The following SGCD variants were observed in gnomAD, a reference collection of about 807,000 sequenced individuals.
The protein encoded by SGCD is delta-sarcoglycan.
Under a neutral mutation model 36.6 loss-of-function variants are expected in SGCD, and 18 were observed. The ratio of observed to expected loss-of-function variants is 0.49; its 90% CI spans 0.34 to 0.73. SGCD has a LOEUF of 0.73. Ranked by LOEUF, SGCD falls within the 30% of genes least tolerant of loss-of-function variation. The pLI is 0.01. For missense variants in SGCD, 387 were observed against 346.7 expected, an observed-to-expected ratio of 1.12 and a Z score of -0.92; for synonymous variants, 133 against 130.6, an observed-to-expected ratio of 1.02 and a Z score of -0.12.
chr5:156,085,567 C>A (rs1157074396), intron 1 of SGCD, among the ~76,000 whole-genome samples: 3 of 152,198 alleles, frequency 2.0e-5, no homozygotes, highest in East Asian at 3.8e-4. Flanking sequence ...AATTAAACCT[C>A]TTTTCTTTAT....
At chr5:155,828,567 C>A in the SGCD span, among the ~76,000 whole-genome samples, 2 of 152,200 alleles carry the variant, frequency 1.3e-5, no homozygotes, top group Non-Finnish European at 2.9e-5. Context: ...CACCTTGAAG[C>A]CAGCTGACTC....
At chr5:156,671,969 A>G (rs1399689642) in intron 7 of SGCD, among the ~76,000 whole-genome samples, 3 of 152,288 alleles carry the variant, frequency 2.0e-5, no homozygotes, top group Non-Finnish European at 4.4e-5. Flanking sequence ...TGAGAACTCC[A>G]CTGTGAAGGC....
intron 4 of SGCD, among the ~76,000 whole-genome samples, chr5:156,555,991 A>G (rs560537082): frequency 6.6e-6 from 1 of 152,054 alleles, no homozygotes; most frequent in Non-Finnish European, 1.5e-5. Context: ...TTTTCCTTCC[A>G]AAGATTCATC....
chr5:156,172,918 A>G (rs1020904695), intron 3 of SGCD, among the ~76,000 whole-genome samples: 2 of 152,104 alleles, frequency 1.3e-5, no homozygotes, highest in African/African-American at 4.8e-5. Flanking sequence ...GTAATAAGCT[A>G]TCCTGAAAGT....
chr5:155,995,762 T>C (rs868153858), intron 1 of SGCD, among the ~76,000 whole-genome samples: 18 of 151,898 alleles, frequency 1.2e-4, no homozygotes, highest in African/African-American at 4.4e-4. Flanking sequence ...TAAAATAAAC[T>C]ATTTCATATG....
intron 3 of SGCD, among the ~76,000 whole-genome samples, chr5:156,484,042 A>G (rs1006306339): frequency 6.6e-6 from 1 of 152,226 alleles, no homozygotes; most frequent in Non-Finnish European, 1.5e-5. Flanking sequence ...GGCCCTTTCT[A>G]ATAAACAGAG....
At chr5:156,388,608 A>G (rs535388612) in intron 3 of SGCD, among the ~76,000 whole-genome samples, 6 of 152,354 alleles carry the variant, frequency 3.9e-5, no homozygotes, top group African/African-American at 4.8e-5. Context: ...GCCAGAGTCT[A>G]TGCATGGGCT....
chr5:156,445,146 C>G (rs1753707236), intron 3 of SGCD, among the ~76,000 whole-genome samples: 1 of 152,262 alleles, frequency 6.6e-6, no homozygotes, highest in African/African-American at 2.4e-5. Flanking sequence ...GCCCTAGAAA[C>G]TGCTGGTTTC....
At chr5:156,707,802 CTTGA>C (rs1754806130) in intron 7 of SGCD, among the ~76,000 whole-genome samples, 3 of 152,076 alleles carry the variant, frequency 2.0e-5, no homozygotes, top group Admixed American at 1.3e-4. Context: ...TGAGAAAGCA[CTTGA>C]TTAAGGGTTT....
rs1475943979 is a variant in SGCD at position 156,450,886 on chromosome 5, CATT to C, written c.193-57712_193-57710del. On this transcript the variant is annotated intron_variant, in intron 3 of 8. Coordinates refer to ENST00000337851, the MANE Select transcript of SGCD (RefSeq NM_000337.6). ...TCTTTTTATATTAAGGTAATATAGACATTATAGAAAATTTCAAAAAAAAGAGCA... is the reference window on the plus strand; with the variant it reads ...TCTTTTTATATTAAGGTAATATAGACATAGAAAATTTCAAAAAAAAGAGCA... Among the ~76,000 whole-genome samples, 54 of 151,744 alleles carry C rather than the reference CATT, an allele frequency of 3.6e-4. 1 individual carries two copies. The highest frequency in any genetic ancestry group is 1.2e-3 in the African/African-American group (49 of 41,272).
In SGCD at chr5:156,757,381, C is replaced by A. The variant is rs185567720; in HGVS notation, c.576-200C>A. 8.4e-4 allele frequency among the ~76,000 whole-genome samples: 127 copies of A among 150,904 alleles called. 1 individual carries two copies. Among genetic ancestry groups the A allele is most frequent in the Admixed American group, 2.3e-3 (35 of 15,136 alleles). On this transcript the variant is annotated intron_variant, in intron 7 of 8. Coordinates refer to ENST00000337851, the MANE Select transcript of SGCD (RefSeq NM_000337.6). ...GGATCCTAGAACACTTTCCTTACAG[C>A]CTTTGTAAAATGCAATGAAGATAAA...
At chr5:156,159,257 A>G (rs1763033150) in intron 3 of SGCD, among the ~76,000 whole-genome samples, 1 of 151,802 alleles carries the variant, frequency 6.6e-6, no homozygotes. Flanking sequence ...AGTCATAAGT[A>G]AAAGCTATAA....
chr5:156,409,095 T>A (rs1246950812), intron 3 of SGCD, among the ~76,000 whole-genome samples: 1 of 152,218 alleles, frequency 6.6e-6, no homozygotes, highest in East Asian at 1.9e-4. Context: ...TGAGTTTATT[T>A]GACTTTGACT....
chr5:156,686,588 A>T (rs934278094), intron 7 of SGCD, among the ~76,000 whole-genome samples: 15 of 152,324 alleles, frequency 9.8e-5, no homozygotes, highest in Non-Finnish European at 2.9e-5. Flanking sequence ...TGAACACAGA[A>T]CAGCCATAGT....
At chr5:155,793,803 C>T in the SGCD span, among the ~76,000 whole-genome samples, 1 of 151,990 alleles carries the variant, frequency 6.6e-6, no homozygotes, top group Non-Finnish European at 1.5e-5. Context: ...CCTGTCTCAG[C>T]CTCTCAAAGT....
Position 156,194,416 on chromosome 5 carries a change from T to G in SGCD, c.-44+70397T>G, listed in dbSNP as rs564766876. 3.9e-5 allele frequency among the ~76,000 whole-genome samples: 6 copies of G among 152,158 alleles called. No individual in the cohort carries two copies. In the East Asian group the frequency reaches 1.2e-3, roughly 29 times the overall value. On this transcript the variant is annotated intron_variant, in intron 3 of 9. Coordinates refer to the SGCD transcript ENST00000517913. ...AGAAAAAAGAAAGGAAAAAATACTG[T>G]GTAAAAAGGTATATTTAATATGTGA...
chr5:155,736,403 T>G, the SGCD span, among the ~76,000 whole-genome samples: 7,739 of 152,248 alleles, frequency 0.051, 249 homozygotes, highest in Middle Eastern at 0.076. Context: ...TTGGTGTTAT[T>G]TTCTGATTTG....
intron 6 of SGCD, among the ~76,000 whole-genome samples, chr5:156,618,749 A>G (rs1762117914): frequency 6.6e-6 from 1 of 152,128 alleles, no homozygotes; most frequent in Non-Finnish European, 1.5e-5. Context: ...TGCAGAAGGA[A>G]AAGGCATTTG....
At chr5:156,190,037 T>C (rs905756133) in intron 3 of SGCD, among the ~76,000 whole-genome samples, 7 of 152,196 alleles carry the variant, frequency 4.6e-5, no homozygotes, top group Non-Finnish European at 7.3e-5. Context: ...ATTTAATGTT[T>C]CTGAAAGACC....
Sources: allele counts gnomAD v4.1 joint callset (sites outside exome capture counted in the v4.1 genomes callset), GRCh38; gene constraint gnomAD v4.1.1; transcripts MANE v1.5; gene names NCBI Gene and HGNC (gene_info 2026-07-23, HGNC 2026-07-21).